The following RARB variants were observed in gnomAD, a reference collection of about 807,000 sequenced individuals.
The protein encoded by RARB is retinoic acid receptor beta.
A neutral mutation model predicts 51.9 loss-of-function variants in RARB; 17 were observed. That is an observed-to-expected ratio of 0.33 (90% CI 0.22 to 0.49). RARB has a LOEUF of 0.49. RARB is among the 20% of genes least tolerant of loss of function. The pLI, the probability that RARB is intolerant of heterozygous loss-of-function variation, is 0.99. For missense variants in RARB, 369 were observed against 550.8 expected (o/e 0.67, Z 3.30); for synonymous variants, 215 against 195.4 (o/e 1.10, Z -0.84).
At chr3:25,239,293 C>CTT (rs1702375456) in intron 5 of RARB, among the ~76,000 whole-genome samples, 2 of 152,150 alleles carry the variant, frequency 1.3e-5, no homozygotes, top group South Asian at 4.1e-4. Flanking sequence ...TGATCAGAAG[C>CTT]TTCTTGGTTT....
Position 25,230,791 on chromosome 3 carries a change from G to C in RARB, c.178+56216G>C, listed in dbSNP as rs1244841629. Among the ~76,000 whole-genome samples, 5 of 152,112 alleles carry C rather than the reference G, an allele frequency of 3.3e-5. 1 individual carries two copies. The highest frequency in any genetic ancestry group is 1.2e-4 in the African/African-American group (5 of 41,492). ...TTCACTGTTATAGTGCTGTTCAATAGGGTAGCCACTAGCCACTTGTAGCTA... is the reference window on the plus strand; with the variant it reads ...TTCACTGTTATAGTGCTGTTCAATACGGTAGCCACTAGCCACTTGTAGCTA... On this transcript the variant is annotated intron_variant, in intron 5 of 11. Transcript: ENST00000383772.
intron 2 of RARB, among the ~76,000 whole-genome samples, chr3:24,889,616 T>A (rs1703337395): frequency 6.6e-6 from 1 of 151,950 alleles, no homozygotes; most frequent in African/African-American, 2.4e-5. Context: ...TTTCTATTAT[T>A]TGAGTGGTAT....
chr3:25,472,343 C>A lies in RARB; in HGVS notation c.306+11002C>A, dbSNP rs2125570211. 1.3e-5 allele frequency among the ~76,000 whole-genome samples: 2 copies of A among 152,202 alleles called. 1 individual carries two copies. Among genetic ancestry groups the A allele is most frequent in the South Asian group, 4.1e-4 (2 of 4,824 alleles). On this transcript the variant is annotated intron_variant, in intron 2 of 7. Transcript: ENST00000330688. ...GCAGTACACCTGCTTCTTAAAAGCCCCGGCCAAGAATGGCATACCTCATTG... is the reference window on the plus strand; with the variant it reads ...GCAGTACACCTGCTTCTTAAAAGCCACGGCCAAGAATGGCATACCTCATTG...
chr3:25,352,102 A>G (rs927330949), intron 5 of RARB, among the ~76,000 whole-genome samples: 3 of 152,188 alleles, frequency 2.0e-5, no homozygotes, highest in African/African-American at 7.2e-5. Context: ...TCTGCGTTGA[A>G]GTGGCCCAGT....
chr3:25,268,422 C>T (rs970280581), intron 5 of RARB, among the ~76,000 whole-genome samples: 1 of 151,694 alleles, frequency 6.6e-6, no homozygotes, highest in Non-Finnish European at 1.5e-5. Context: ...GCCATGTGGC[C>T]TACAAAAGTG....
At chr3:25,222,578 G>A (rs1701970561) in intron 5 of RARB, among the ~76,000 whole-genome samples, 1 of 152,042 alleles carries the variant, frequency 6.6e-6, no homozygotes, top group Non-Finnish European at 1.5e-5. Context: ...TTAAAAACAA[G>A]GCTAATAGAG....
intron 2 of RARB, among the ~76,000 whole-genome samples, chr3:24,954,331 T>C (rs936191587): frequency 1.3e-5 from 2 of 152,142 alleles, no homozygotes; most frequent in Non-Finnish European, 2.9e-5. Flanking sequence ...TTTGTAGAAT[T>C]AGTGGGTAAG....
intron 4 of RARB, among the ~76,000 whole-genome samples, chr3:25,149,520 A>T (rs1167289109): frequency 1.3e-5 from 2 of 152,226 alleles, no homozygotes; most frequent in Non-Finnish European, 2.9e-5. Flanking sequence ...GCTGCATGGG[A>T]AAAGAGGCTA....
chr3:25,274,887 C>T (rs1703344699), intron 5 of RARB, among the ~76,000 whole-genome samples: 1 of 152,112 alleles, frequency 6.6e-6, no homozygotes, highest in African/African-American at 2.4e-5. Context: ...AAGGAAGTCA[C>T]ATCACCAAGC....
At chr3:25,369,174 A>G (rs988612973) in intron 5 of RARB, among the ~76,000 whole-genome samples, 2 of 152,226 alleles carry the variant, frequency 1.3e-5, no homozygotes, top group Admixed American at 6.5e-5. Context: ...AAAATACAGT[A>G]TACAGTTATA....
At chr3:25,324,259 A>T (rs899663863) in intron 5 of RARB, 1 of 163,812 alleles carries the variant, frequency 6.1e-6, no homozygotes, top group African/African-American at 2.4e-5. Context: ...GAGTTGAAGA[A>T]GCTCAAGAAG....
intron 5 of RARB, among the ~76,000 whole-genome samples, chr3:25,271,939 T>A (rs961917698): frequency 5.3e-5 from 8 of 152,220 alleles, no homozygotes; most frequent in Non-Finnish European, 1.2e-4. Flanking sequence ...TCCTGCCTGG[T>A]TGGGAGAGTT....
At chr3:25,010,852 T>C (rs1343782129) in intron 2 of RARB, among the ~76,000 whole-genome samples, 1 of 152,122 alleles carries the variant, frequency 6.6e-6, no homozygotes, top group African/African-American at 2.4e-5. Context: ...GTGACTCTTT[T>C]TGATATTCAT....
chr3:25,500,986 G>A (rs1697282481), intron 2 of RARB, among the ~76,000 whole-genome samples, 196 bp from the exon 3 acceptor site: 1 of 152,104 alleles, frequency 6.6e-6, no homozygotes, highest in African/African-American at 2.4e-5. Context: ...TTGATTAAAA[G>A]GGGCTTTTGG....
chr3:25,396,579 G>T (rs1159062786), intron 5 of RARB, among the ~76,000 whole-genome samples: 1 of 152,110 alleles, frequency 6.6e-6, no homozygotes, highest in Admixed American at 6.6e-5. Flanking sequence ...CAAGTTAGTA[G>T]GTAGGGCCAC....
At chr3:25,554,802 T>C (rs1293316903) in intron 3 of RARB, among the ~76,000 whole-genome samples, 1 of 152,178 alleles carries the variant, frequency 6.6e-6, no homozygotes, top group African/African-American at 2.4e-5. Flanking sequence ...ATCTAGTCTT[T>C]TTGCTGATAG....
intron 1 of RARB, among the ~76,000 whole-genome samples, chr3:24,854,084 G>A (rs1191556452): frequency 6.6e-6 from 1 of 152,176 alleles, no homozygotes; most frequent in Non-Finnish European, 1.5e-5. Flanking sequence ...TAGTTTCATC[G>A]TAAATAGAGA....
intron 5 of RARB, among the ~76,000 whole-genome samples, chr3:25,251,972 A>G (rs965395033): frequency 3.3e-5 from 5 of 151,960 alleles, no homozygotes; most frequent in African/African-American, 1.2e-4. Context: ...GTTTTTTTCT[A>G]ACAGTTTTCT....
chr3:25,272,035 A>C (rs1352905223), intron 5 of RARB, among the ~76,000 whole-genome samples: 1 of 152,246 alleles, frequency 6.6e-6, no homozygotes, highest in Admixed American at 6.5e-5. Context: ...TTAAAATGAA[A>C]TAAAATTTAA....
Sources: gnomAD v4.1 joint callset for allele counts (sites outside exome capture counted in the v4.1 genomes callset) on GRCh38, gnomAD v4.1.1 for gene constraint, MANE v1.5 for transcripts, NCBI Gene and HGNC (gene_info 2026-07-23, HGNC 2026-07-21) for gene names.